PRDM5: variants seen among roughly 807,000 people sequenced by gnomAD.
The protein encoded by PRDM5 is PR/SET domain 5, also known as PR domain zinc finger protein 5.
PRDM5 carries 56 observed loss-of-function variants against 81.2 expected under a neutral mutation model. The ratio of observed to expected loss-of-function variants is 0.69; its 90% CI spans 0.56 to 0.86. The LOEUF is 0.86. Among genes scored for constraint, PRDM5 ranks in the 40% least tolerant of loss-of-function variants. The pLI is 0.00. For missense variants in PRDM5, 697 were observed against 770.1 expected, an observed-to-expected ratio of 0.91 and a Z score of 1.12; for synonymous variants, 267 against 256.4, an observed-to-expected ratio of 1.04 and a Z score of -0.39.
intron 2 of PRDM5, among the ~76,000 whole-genome samples, chr4:120,887,308 C>G (rs1179515808): frequency 6.6e-6 from 1 of 152,132 alleles, no homozygotes; most frequent in Non-Finnish European, 1.5e-5. Context: ...CTTCAACACA[C>G]AACTGGAAGC....
chr4:120,867,318 A>C (rs1761299077), intron 2 of PRDM5, among the ~76,000 whole-genome samples: 1 of 152,192 alleles, frequency 6.6e-6, no homozygotes, highest in Non-Finnish European at 1.5e-5. Context: ...TTTAATACTA[A>C]CTCATATTAC....
At chr4:120,721,124 A>G (rs150164142) in intron 14 of PRDM5, among the ~76,000 whole-genome samples, 3 of 152,356 alleles carry the variant, frequency 2.0e-5, no homozygotes, top group Non-Finnish European at 4.4e-5. Flanking sequence ...TATCTGGCAT[A>G]AAGCATGCAA....
intron 10 of PRDM5, among the ~76,000 whole-genome samples, chr4:120,792,718 A>T (rs964302701): frequency 6.6e-6 from 1 of 152,222 alleles, no homozygotes; most frequent in South Asian, 2.1e-4. Context: ...ATGTAATACT[A>T]TTCAGCCTTA....
At chr4:120,859,997 C>T (rs1760385478) in intron 2 of PRDM5, among the ~76,000 whole-genome samples, 1 of 152,216 alleles carries the variant, frequency 6.6e-6, no homozygotes, top group Admixed American at 6.5e-5. Context: ...GGCACTCTTT[C>T]TATTGAAGCA....
At chr4:120,805,123 C>G (rs997812325) in intron 8 of PRDM5, among the ~76,000 whole-genome samples, 1 of 152,144 alleles carries the variant, frequency 6.6e-6, no homozygotes, top group Non-Finnish European at 1.5e-5. Flanking sequence ...CATTCCTCGA[C>G]ACATACACCC....
At chr4:120,806,898 C>T (rs1211058844) in intron 8 of PRDM5, among the ~76,000 whole-genome samples, 4 of 152,158 alleles carry the variant, frequency 2.6e-5, no homozygotes, top group Non-Finnish European at 4.4e-5. Context: ...AAACTACCAT[C>T]AGAGCGAACA....
intron 12 of PRDM5, among the ~76,000 whole-genome samples, chr4:120,779,486 G>T (rs1013296002): frequency 6.6e-5 from 10 of 152,138 alleles, no homozygotes; most frequent in African/African-American, 2.2e-4. Context: ...AAAGAAAGTT[G>T]AAAGACTAGT....
intron 15 of PRDM5, among the ~76,000 whole-genome samples, chr4:120,709,272 G>T (rs935787365): frequency 6.6e-6 from 1 of 152,068 alleles, no homozygotes; most frequent in Non-Finnish European, 1.5e-5. Flanking sequence ...TCCAATAAAA[G>T]CAGCAATGAC....
At chr4:120,702,355 C>T (rs1341562512) in intron 15 of PRDM5, among the ~76,000 whole-genome samples, 2 of 152,172 alleles carry the variant, frequency 1.3e-5, no homozygotes, top group Non-Finnish European at 2.9e-5. Flanking sequence ...TGCCTCAGAA[C>T]TTTCTCGCTT....
chr4:120,859,598 T>G (rs552675652), intron 2 of PRDM5, among the ~76,000 whole-genome samples: 108 of 152,296 alleles, frequency 7.1e-4, no homozygotes, highest in African/African-American at 2.5e-3. Context: ...CTTAACACTA[T>G]TATTCAAATC....
chr4:120,793,669 T>C (rs898371428), intron 10 of PRDM5, among the ~76,000 whole-genome samples: 3 of 152,338 alleles, frequency 2.0e-5, no homozygotes, highest in African/African-American at 7.2e-5. Flanking sequence ...ATTGTATCTA[T>C]ATGGTGTATG....
rs3804163 is a variant in PRDM5, at chr4:120,777,044, G to A, written c.1537+144C>T. ...AAATTCTTCTAGATGAAAAAACTGG[G>A]TTGTACAATGCTTTAAGAGAGAGAA... On this transcript the variant is annotated intron_variant, in intron 13 of 15. Coordinates refer to ENST00000264808, the MANE Select transcript of PRDM5 (RefSeq NM_018699.4). 0.25 allele frequency: 371,522 copies of A among 1,470,266 alleles called. 49,453 individuals carry two copies. The highest frequency in any genetic ancestry group is 0.28 in the Non-Finnish European group (305,026 of 1,101,058). The allele number at this position is 1,470,266 out of a possible 1,614,324, so 91.1% of individuals were successfully genotyped here. A position where few individuals can be genotyped will look rare whatever the true frequency, so the allele number is the denominator to read the frequency against.
intron 7 of PRDM5, among the ~76,000 whole-genome samples, chr4:120,814,839 G>A (rs1031977498): frequency 2.0e-4 from 30 of 152,142 alleles, no homozygotes; most frequent in South Asian, 6.2e-4. Flanking sequence ...CATAGTAACC[G>A]TTAGCTAAAA....
chr4:120,770,684 T>C (rs774603319), intron 13 of PRDM5, among the ~76,000 whole-genome samples: 2 of 152,108 alleles, frequency 1.3e-5, no homozygotes, highest in African/African-American at 2.4e-5. Flanking sequence ...AAAAAAAAAT[T>C]AGATAATTTC....
At chr4:120,888,395 T>C (rs933486561) in intron 2 of PRDM5, among the ~76,000 whole-genome samples, 4 of 152,250 alleles carry the variant, frequency 2.6e-5, no homozygotes, top group Non-Finnish European at 4.4e-5. Flanking sequence ...CTCTAGCTTA[T>C]TTCACTCAAG....
At chr4:120,905,079 G>T (rs1389144276) in intron 2 of PRDM5, among the ~76,000 whole-genome samples, 1 of 152,136 alleles carries the variant, frequency 6.6e-6, no homozygotes, top group Non-Finnish European at 1.5e-5. Context: ...CATAGTGAAA[G>T]CCATTAAAAT....
intron 1 of PRDM5, among the ~76,000 whole-genome samples, chr4:120,913,585 T>C (rs1766756912): frequency 1.3e-5 from 2 of 152,214 alleles, no homozygotes; most frequent in African/African-American, 4.8e-5. Context: ...TGTGGGTATA[T>C]GGTGACCTGA....
chr4:120,864,559 T>C (rs1301459872), intron 2 of PRDM5, among the ~76,000 whole-genome samples: 9 of 152,172 alleles, frequency 5.9e-5, no homozygotes, highest in African/African-American at 2.2e-4. Context: ...TCAGATAGGT[T>C]GGCTGAGGAT....
chr4:120,748,239 G>A (rs1285960073), intron 14 of PRDM5, among the ~76,000 whole-genome samples: 1 of 152,206 alleles, frequency 6.6e-6, no homozygotes, highest in East Asian at 1.9e-4. Context: ...AGACAACAGA[G>A]ATAAGAAGGG....
Sources: allele counts gnomAD v4.1 joint callset (sites outside exome capture counted in the v4.1 genomes callset), GRCh38; gene constraint gnomAD v4.1.1; transcripts MANE v1.5; gene names NCBI Gene and HGNC (gene_info 2026-07-23, HGNC 2026-07-21).